Variants in MACC1 observed in about 807,000 individuals in gnomAD.
MACC1 encodes the protein metastasis-associated in colon cancer protein 1.
MACC1 carries 79 observed loss-of-function variants against 70.7 expected under a neutral mutation model. The observed-to-expected ratio is 1.12, with a 90% CI of 0.93 to 1.35. The LOEUF (loss-of-function observed/expected upper bound fraction) is 1.35. Among genes scored for constraint, MACC1 ranks in the 40% most tolerant of loss-of-function variants. MACC1 has a pLI of 0.00. For synonymous variants in MACC1, 361 were observed against 347.2 expected (o/e 1.04, Z -0.44); for missense variants, 1,106 against 978.1 (o/e 1.13, Z -1.74).
chr7:20,173,433 G>A (rs1782342060), intron 1 of MACC1, among the ~76,000 whole-genome samples: 1 of 152,090 alleles, frequency 6.6e-6, no homozygotes, highest in South Asian at 2.1e-4. Context: ...TTTGTTCCAG[G>A]TTTTAGGGAC....
Position 20,190,152 on chromosome 7 carries a change from A to G in MACC1, c.-217-19374T>C, listed in dbSNP as rs1428194326. ...ACTGAAGGATTCAACCATTCAGTCC[A>G]CAATGGAAAGCTATCCAGTGAAGTA... On this transcript the variant is annotated intron_variant, in intron 1 of 6. Transcript: ENST00000400331. 2.0e-5 allele frequency among the ~76,000 whole-genome samples: 3 copies of G among 152,234 alleles called. 1 individual carries two copies. The highest frequency in any genetic ancestry group is 7.2e-5 in the African/African-American group (3 of 41,458).
intron 1 of MACC1, among the ~76,000 whole-genome samples, chr7:20,211,597 T>G (rs915305939): frequency 2.6e-5 from 4 of 152,198 alleles, no homozygotes; most frequent in Non-Finnish European, 5.9e-5. Context: ...CTGGAAAGGT[T>G]ATTTGATTAG....
At chr7:20,179,191 A>T (rs1384020631) in intron 1 of MACC1, among the ~76,000 whole-genome samples, 1 of 152,054 alleles carries the variant, frequency 6.6e-6, no homozygotes, top group Non-Finnish European at 1.5e-5. Context: ...TATTCTCATC[A>T]GTGCTTTTTC....
chr7:20,145,971 G>A (rs1373573564), intron 6 of MACC1, among the ~76,000 whole-genome samples: 1 of 151,946 alleles, frequency 6.6e-6, no homozygotes, highest in Non-Finnish European at 1.5e-5. Context: ...GACCAGCCTG[G>A]CCATTATGGT....
intron 1 of MACC1, among the ~76,000 whole-genome samples, chr7:20,193,553 C>T (rs1261799596): frequency 6.6e-6 from 1 of 152,124 alleles, no homozygotes; most frequent in Non-Finnish European, 1.5e-5. Flanking sequence ...CTGTTATAGA[C>T]AATGGTAAGT....
intron 2 of MACC1, among the ~76,000 whole-genome samples, chr7:20,167,449 G>T (rs1354283622): frequency 1.3e-5 from 2 of 151,720 alleles, no homozygotes; most frequent in Non-Finnish European, 2.9e-5. Context: ...GCCTGCCTTG[G>T]CCTCCCAAAG....
At chr7:20,160,501 T>G (rs951937283) in intron 4 of MACC1, among the ~76,000 whole-genome samples, 4 of 152,156 alleles carry the variant, frequency 2.6e-5, no homozygotes, top group Non-Finnish European at 5.9e-5. Context: ...ATTTATAAAC[T>G]AAACAAATAA....
chr7:20,189,173 C>A (rs1782635049), intron 1 of MACC1, among the ~76,000 whole-genome samples: 1 of 152,138 alleles, frequency 6.6e-6, no homozygotes, highest in Non-Finnish European at 1.5e-5. Flanking sequence ...TTCCTGGCCT[C>A]CTTATTTTTT....
rs143037220 is a variant in MACC1 at position 20,192,826 on chromosome 7, C to T, written c.-217-22048G>A. ...CTGAACATAATTAAATCAGAAAACA[C>T]GGTACTCATGAAGATTCAGGGATGA... On this transcript the variant is annotated intron_variant, in intron 1 of 6. Transcript: ENST00000400331. Among the ~76,000 whole-genome samples, 25 of 152,194 alleles carry T rather than the reference C, an allele frequency of 1.6e-4. No individual in the cohort carries two copies. In the East Asian group the frequency reaches 2.7e-3, roughly 16 times the overall value.
At chr7:20,214,719 C>T (rs73278544) in intron 1 of MACC1, among the ~76,000 whole-genome samples, 1,665 of 152,122 alleles carry the variant, frequency 0.011, 38 homozygotes, top group African/African-American at 0.038. Flanking sequence ...TAAGTCATAT[C>T]AAAAACAACA....
chr7:20,153,898 C>G (rs1435669379), intron 6 of MACC1, among the ~76,000 whole-genome samples: 1 of 152,178 alleles, frequency 6.6e-6, no homozygotes, highest in Admixed American at 6.5e-5. Context: ...GACTCAAGTT[C>G]TTATAGCCAT....
chr7:20,175,986 C>T (rs952605019), intron 1 of MACC1, among the ~76,000 whole-genome samples: 8 of 152,016 alleles, frequency 5.3e-5, no homozygotes, highest in African/African-American at 1.2e-4. Context: ...CTGACCTCTT[C>T]GATATCCTTC....
intron 1 of MACC1, among the ~76,000 whole-genome samples, chr7:20,199,962 C>A (rs1199853191): frequency 2.0e-5 from 3 of 151,558 alleles, no homozygotes; most frequent in Non-Finnish European, 2.9e-5. Flanking sequence ...AATGAATTAG[C>A]CAAATCCTAT....
At chr7:20,179,309 G>A (rs1165362506) in intron 1 of MACC1, among the ~76,000 whole-genome samples, 1 of 151,962 alleles carries the variant, frequency 6.6e-6, no homozygotes, top group Non-Finnish European at 1.5e-5. Context: ...AATTCATTTT[G>A]ATTAAGTCCA....
At position 20,217,352 on chromosome 7, in the gene MACC1, T is replaced by C. The variant is rs559997289; in HGVS notation, c.-271A>G. 1.3e-5 allele frequency: 2 copies of C among 152,350 alleles called. No homozygotes were observed. The highest frequency in any genetic ancestry group is 1.9e-4 in the East Asian group (1 of 5,188). The allele number at this position is 152,350 out of a possible 1,614,324, so 9.4% of individuals were successfully genotyped here. ...AGTTCAGACACATGGTTTTAGTGAA[T>C]AGAAGTCACTCTACCAAACCCGGGT... On this transcript the variant is annotated 5_prime_UTR_variant, in exon 1 of 7. Transcript: ENST00000400331.
At position 20,135,455 on chromosome 7, in the gene MACC1, C is replaced by T. The variant is rs1562575468; in HGVS notation, c.*5491G>A. ...ATTTATCTTAAAGCAAATTAGAGGA[C>T]TTATAAAAAATCTTTCCATTTCTAT... On this transcript the variant is annotated 3_prime_UTR_variant, in exon 7 of 7. Transcript: ENST00000400331. The T allele has an allele frequency of 6.6e-6, 1 of 152,148 alleles. No homozygotes were observed. The highest frequency in any genetic ancestry group is 2.1e-4 in the South Asian group (1 of 4,834). 9.4% of individuals were successfully genotyped at this position (152,148 alleles called of 1,614,324 possible).
chr7:20,206,603 G>A (rs1782913881), intron 1 of MACC1, among the ~76,000 whole-genome samples: 1 of 152,184 alleles, frequency 6.6e-6, no homozygotes, highest in South Asian at 2.1e-4. Flanking sequence ...ACCCCTGGGA[G>A]AGCCATCCAC....
intron 1 of MACC1, among the ~76,000 whole-genome samples, chr7:20,206,101 C>T (rs1240538534): frequency 8.6e-5 from 13 of 151,692 alleles, no homozygotes; most frequent in Admixed American, 3.3e-4. Flanking sequence ...GGTAAATCCA[C>T]TACCCAGGCC....
chr7:20,159,552 C>T lies in MACC1; in HGVS notation c.809G>A (p.Ser270Asn), dbSNP rs138915137. 1.9e-6 allele frequency: 3 copies of T among 1,614,016 alleles called. No individual in the cohort carries two copies. Among genetic ancestry groups the T allele is most frequent in the Non-Finnish European group, 2.5e-6 (3 of 1,180,030 alleles). Residue 270 changes from serine (S) to asparagine (N), a missense_variant, in exon 5 of 7, where the codon AGC (serine) becomes AAC (asparagine). By Grantham distance (46) the Ser-to-Asn change is conservative. Transcript: ENST00000400331. ...MLNHDLSCTV[S>N]PLLEIMLGNL... ...GCCTAACATGATTTCCAACAACGGG[C>T]TCACAGTGCACGAAAGATCATGGTT...
Sources: allele counts gnomAD v4.1 joint callset (sites outside exome capture counted in the v4.1 genomes callset), GRCh38; gene constraint gnomAD v4.1.1; transcripts MANE v1.5; gene names NCBI Gene and HGNC (gene_info 2026-07-23, HGNC 2026-07-21).